NYAP2: variants seen among roughly 807,000 people sequenced by gnomAD.
The protein encoded by NYAP2 is neuronal tyrosine-phosphorylated phosphoinositide-3-kinase adapter 2.
Under a neutral mutation model 50.4 loss-of-function variants are expected in NYAP2, and 23 were observed. The observed-to-expected ratio is 0.46, with a 90% CI of 0.33 to 0.65. NYAP2 has a LOEUF of 0.65. Ranked by LOEUF, NYAP2 falls within the 30% of genes least tolerant of loss-of-function variation. The pLI is 0.02. For synonymous variants in NYAP2, 394 were observed against 365.2 expected (o/e 1.08, Z -0.90); for missense variants, 885 against 861.0 (o/e 1.03, Z -0.35).
At chr2:225,530,624 T>G (rs1464485538) in intron 4 of NYAP2, among the ~76,000 whole-genome samples, 1 of 152,184 alleles carries the variant, frequency 6.6e-6, no homozygotes, top group Non-Finnish European at 1.5e-5. Flanking sequence ...GAACTCTCAC[T>G]GGCTCTCCTG....
At position 225,582,691 on chromosome 2, in the gene NYAP2, C is replaced by G. The variant is rs1398132810; in HGVS notation, c.1274C>G (p.Ser425Cys). Residue 425 changes from serine (S) to cysteine (C), a missense_variant, in exon 5 of 7, where the codon TCT becomes TGT. Coordinates refer to ENST00000636099, the Ensembl canonical transcript of NYAP2. The surrounding 1 kb of genome is among the most constrained non-coding windows in gnomAD (Gnocchi z 7.0). The stretch of plus-strand genomic sequence containing the variant: ...CCGTCTACGCTGTACCGAACCCAGT[C>G]TCCCCATGGCTACCCTAAAAGTCAC... 6.2e-7 allele frequency: 1 copy of G among 1,603,630 alleles called. No individual in the cohort carries two copies. Among genetic ancestry groups the G allele is most frequent in the African/African-American group, 1.3e-5 (1 of 74,804 alleles).
chr2:225,555,790 G>A (rs999652827), intron 4 of NYAP2, among the ~76,000 whole-genome samples: 13 of 152,140 alleles, frequency 8.5e-5, no homozygotes, highest in African/African-American at 2.9e-4. Flanking sequence ...ACAATTTCCA[G>A]AATCACCTTG....
intron 3 of NYAP2, among the ~76,000 whole-genome samples, chr2:225,472,353 G>C (rs979831232): frequency 6.6e-6 from 1 of 152,160 alleles, no homozygotes; most frequent in Non-Finnish European, 1.5e-5. Flanking sequence ...GAATTTGAAG[G>C]GGTAGACAGG....
intron 3 of NYAP2, among the ~76,000 whole-genome samples, chr2:225,508,488 G>C (rs886838187): frequency 6.6e-6 from 1 of 152,208 alleles, no homozygotes; most frequent in Admixed American, 6.6e-5. Flanking sequence ...CCAGGAAGCA[G>C]ACACCATGAC....
chr2:225,506,243 G>A (rs1690702801), intron 3 of NYAP2, among the ~76,000 whole-genome samples: 1 of 152,146 alleles, frequency 6.6e-6, no homozygotes, highest in African/African-American at 2.4e-5. Context: ...TTAGTGACTA[G>A]AATGGTGAGC....
At chr2:225,468,627 C>A (rs1229712278) in intron 3 of NYAP2, among the ~76,000 whole-genome samples, 5 of 152,060 alleles carry the variant, frequency 3.3e-5, no homozygotes, top group Non-Finnish European at 5.9e-5. Context: ...AATAGAAAAT[C>A]ATTGAGAAAA....
intron 3 of NYAP2, among the ~76,000 whole-genome samples, chr2:225,510,726 T>C (rs1455738194): frequency 2.0e-5 from 3 of 152,144 alleles, no homozygotes; most frequent in Non-Finnish European, 4.4e-5. Context: ...CAGTGGTACC[T>C]GCTAGTGCTT....
At chr2:225,446,212 G>GTC (rs1248447966) in intron 3 of NYAP2, among the ~76,000 whole-genome samples, 26 of 47,210 alleles carry the variant, frequency 5.5e-4, no homozygotes, top group Non-Finnish European at 9.4e-4. Context: ...CTGTCTGTCT[G>GTC]TCTGTCTCTC....
At chr2:225,485,763 G>C (rs954584526) in intron 3 of NYAP2, among the ~76,000 whole-genome samples, 1 of 152,116 alleles carries the variant, frequency 6.6e-6, no homozygotes, top group East Asian at 1.9e-4. Context: ...AAATGACTTG[G>C]GCAAAAGAGG....
chr2:225,697,243 T>C, the NYAP2 span, among the ~76,000 whole-genome samples: 134 of 152,064 alleles, frequency 8.8e-4, no homozygotes, highest in African/African-American at 3.1e-3. Context: ...TATGTACATA[T>C]GTGTATGTAT....
chr2:225,665,573 C>CT, the NYAP2 span, among the ~76,000 whole-genome samples: 3,853 of 143,722 alleles, frequency 0.027, 187 homozygotes, highest in African/African-American at 0.093. Context: ...TCCCTAGCTC[C>CT]TTTTTTTTTT....
chr2:225,398,047 C>T (rs1291849335), upstream of NYAP2, among the ~76,000 whole-genome samples: 2 of 151,884 alleles, frequency 1.3e-5, no homozygotes, highest in Non-Finnish European at 2.9e-5. Flanking sequence ...TATAAAGATT[C>T]CTTTTACTTT....
chr2:225,410,230 T>G (rs1695012968), intron 3 of NYAP2, among the ~76,000 whole-genome samples: 1 of 152,204 alleles, frequency 6.6e-6, no homozygotes, highest in African/African-American at 2.4e-5. Context: ...AGAGAACTCT[T>G]TTTTCTCTGG....
At chr2:225,549,299 A>T (rs1268889090) in intron 4 of NYAP2, among the ~76,000 whole-genome samples, 3 of 152,244 alleles carry the variant, frequency 2.0e-5, no homozygotes, top group African/African-American at 7.2e-5. Context: ...TTTGTATTGT[A>T]ATTATCCATT....
intron 3 of NYAP2, among the ~76,000 whole-genome samples, chr2:225,512,518 TTTC>T (rs1348255099): frequency 6.0e-5 from 9 of 149,754 alleles, no homozygotes; most frequent in African/African-American, 1.5e-4. Context: ...CCTTTCCTCC[TTTC>T]TTCTTCTCTT....
At chr2:225,591,701 G>A (rs1170391468) in intron 5 of NYAP2, among the ~76,000 whole-genome samples, 3 of 152,034 alleles carry the variant, frequency 2.0e-5, no homozygotes, top group South Asian at 2.1e-4. Context: ...TCTGGGATTC[G>A]AACCCCGATT....
At chr2:225,407,346 A>G (rs1694958599) in intron 2 of NYAP2, among the ~76,000 whole-genome samples, 1 of 152,020 alleles carries the variant, frequency 6.6e-6, no homozygotes, top group African/African-American at 2.4e-5. Context: ...TCATTTGCTA[A>G]CCCATTACAG....
intron 2 of NYAP2, among the ~76,000 whole-genome samples, chr2:225,407,741 T>A (rs1694965997): frequency 6.6e-6 from 1 of 151,920 alleles, no homozygotes; most frequent in African/African-American, 2.4e-5. Flanking sequence ...AATGGAGAAA[T>A]TTTTCCCCTT....
chr2:225,475,482 T>A (rs1203430904), intron 3 of NYAP2, among the ~76,000 whole-genome samples: 2 of 152,236 alleles, frequency 1.3e-5, no homozygotes, highest in Admixed American at 6.5e-5. Context: ...TATATGAGTA[T>A]AAATTTTAAA....
Sources: allele counts gnomAD v4.1 joint callset (sites outside exome capture counted in the v4.1 genomes callset), GRCh38; gene constraint gnomAD v4.1.1; non-coding constraint Gnocchi (gnomAD v3.1); transcripts MANE v1.5; gene names NCBI Gene and HGNC (gene_info 2026-07-23, HGNC 2026-07-21).